Variants in MAGI1 observed in about 807,000 individuals in gnomAD.
The protein encoded by MAGI1 is membrane associated guanylate kinase, WW and PDZ domain containing 1.
MAGI1 carries 58 observed loss-of-function variants against 139.9 expected under a neutral mutation model. The observed-to-expected ratio is 0.41, with a 90% confidence interval of 0.34 to 0.52. MAGI1 has a LOEUF of 0.52. Ranked by LOEUF, MAGI1 falls within the 20% of genes least tolerant of loss-of-function variation. The probability of loss-of-function intolerance (pLI) is 0.12; values close to 1 mark genes in which losing one functional copy is unlikely to be tolerated. For missense variants in MAGI1, 1,874 were observed against 1,901.6 expected (o/e 0.99, Z 0.27); for synonymous variants, 812 against 737.9 (o/e 1.10, Z -1.63).
intron 13 of MAGI1, among the ~76,000 whole-genome samples, chr3:65,395,523 T>C (rs927725207): frequency 6.7e-6 from 1 of 149,846 alleles, no homozygotes; most frequent in African/African-American, 2.5e-5. Context: ...GCACCTGTAA[T>C]CCCAGCTACT....
chr3:65,613,913 T>C (rs999702200), intron 2 of MAGI1, among the ~76,000 whole-genome samples: 1 of 151,890 alleles, frequency 6.6e-6, no homozygotes, highest in Non-Finnish European at 1.5e-5. Flanking sequence ...GTTTGGGAAG[T>C]CATGCTAGAA....
intron 1 of MAGI1, chr3:65,844,024 C>G: frequency 2.8e-6 from 1 of 353,386 alleles, no homozygotes; most frequent in Non-Finnish European, 5.5e-6. Flanking sequence ...TGAAAGCCAC[C>G]AAGTATCTAA....
chr3:65,737,715 A>G (rs146958558), intron 1 of MAGI1, among the ~76,000 whole-genome samples: 2 of 152,334 alleles, frequency 1.3e-5, no homozygotes, highest in African/African-American at 4.8e-5. Context: ...CAGGCTAATC[A>G]CGTCAAATTA....
At chr3:65,774,293 C>T (rs73832949) in intron 1 of MAGI1, among the ~76,000 whole-genome samples, 2,625 of 152,090 alleles carry the variant, frequency 0.017, 74 homozygotes, top group African/African-American at 0.06. Context: ...CTGTCAAAGG[C>T]GTGGAAGATA....
At chr3:65,410,781 C>CGAG (rs1271701420) in intron 12 of MAGI1, among the ~76,000 whole-genome samples, 2,491 of 152,250 alleles carry the variant, frequency 0.016, 72 homozygotes, top group African/African-American at 0.056. Flanking sequence ...CAAGGCTACA[C>CGAG]ATGCTAAAAA....
At chr3:65,439,107 C>T (rs1291934703) in intron 9 of MAGI1, among the ~76,000 whole-genome samples, 3 of 151,666 alleles carry the variant, frequency 2.0e-5, no homozygotes, top group African/African-American at 4.8e-5. Context: ...TGGGGAAAGC[C>T]AGAGTATCTA....
rs939760724 is a variant in MAGI1 at position 65,794,434 on chromosome 3, G to A, written c.314-172346C>T. Among the ~76,000 whole-genome samples the A allele has an allele frequency of 8.5e-5, 13 of 152,190 alleles. No individual in the cohort carries two copies. The South Asian group carries it at 1.2e-3, about 15-fold the overall frequency. ...CTCTTTATCCAGTGACTAAGACTGC[G>A]CCCAGCAGCCACTTCCCCAGCCCCC... On this transcript the variant is annotated intron_variant, in intron 1 of 22. Coordinates refer to ENST00000402939, the MANE Select transcript of MAGI1 (RefSeq NM_001033057.2).
intron 5 of MAGI1, among the ~76,000 whole-genome samples, chr3:65,454,156 C>T (rs1440228531): frequency 6.6e-6 from 1 of 152,182 alleles, no homozygotes; most frequent in Non-Finnish European, 1.5e-5. Flanking sequence ...CAAAGTTCTG[C>T]TTGAGCCCCC....
chr3:65,875,938 C>A (rs745775368), intron 1 of MAGI1, among the ~76,000 whole-genome samples: 1 of 152,020 alleles, frequency 6.6e-6, no homozygotes, highest in Non-Finnish European at 1.5e-5. Context: ...ACCAACCAGT[C>A]CACATTAAAG....
At chr3:65,576,911 G>A (rs969413311) in intron 2 of MAGI1, among the ~76,000 whole-genome samples, 2 of 152,178 alleles carry the variant, frequency 1.3e-5, no homozygotes, top group Admixed American at 1.3e-4. Flanking sequence ...CTGGGATGTA[G>A]ACTCCACAAA....
intron 1 of MAGI1, among the ~76,000 whole-genome samples, chr3:65,721,094 G>A (rs901731484): frequency 3.3e-5 from 5 of 152,268 alleles, no homozygotes; most frequent in South Asian, 2.1e-4. Flanking sequence ...CTTGGTATGG[G>A]ATGGCCCTGC....
At chr3:65,734,525 AAG>A (rs1225434512) in intron 1 of MAGI1, among the ~76,000 whole-genome samples, 3 of 147,772 alleles carry the variant, frequency 2.0e-5, no homozygotes, top group African/African-American at 2.5e-5. Flanking sequence ...GAAAGAGAGA[AAG>A]AGAGAGGGGG....
intron 10 of MAGI1, among the ~76,000 whole-genome samples, chr3:65,436,742 T>A (rs916964734): frequency 2.6e-5 from 4 of 152,134 alleles, no homozygotes; most frequent in Non-Finnish European, 4.4e-5. Flanking sequence ...CCCAGAGACA[T>A]CTGGCAATGT....
At chr3:65,787,114 C>T (rs1264759666) in intron 1 of MAGI1, among the ~76,000 whole-genome samples, 1 of 152,120 alleles carries the variant, frequency 6.6e-6, no homozygotes, top group Admixed American at 6.5e-5. Flanking sequence ...AATAAAACTG[C>T]CCCTATTTCC....
At chr3:65,678,587 T>C (rs1419342509) in intron 1 of MAGI1, among the ~76,000 whole-genome samples, 2 of 152,136 alleles carry the variant, frequency 1.3e-5, no homozygotes, top group East Asian at 3.9e-4. Flanking sequence ...TAACTGGCAC[T>C]TCCTCAAGTC....
chr3:65,470,280 T>C lies in MAGI1; in HGVS notation c.959+3A>G. ...TTTAGGTAGAAATAATGGTATACTT[T>C]ACTCTATAAAATAGACTTCTCCATT... is the stretch of plus-strand genomic sequence containing the variant. On this transcript the variant is annotated splice_donor_region_variant and intron_variant, in intron 5 of 22. Transcript: ENST00000402939. The C allele has an allele frequency of 3.8e-6, 6 of 1,584,868 alleles. No homozygotes were observed. Among genetic ancestry groups the C allele is most frequent in the Non-Finnish European group, 5.2e-6 (6 of 1,153,960 alleles).
intron 1 of MAGI1, among the ~76,000 whole-genome samples, chr3:65,668,830 G>A (rs1387307786): frequency 6.6e-6 from 1 of 151,958 alleles, no homozygotes; most frequent in African/African-American, 2.4e-5. Flanking sequence ...GGGATTACAG[G>A]TGTGAGCCAC....
chr3:65,385,584 G>A lies in MAGI1; in HGVS notation c.2417-1961C>T, dbSNP rs538381806. On this transcript the variant is annotated intron_variant, in intron 14 of 22. Coordinates refer to ENST00000402939, the MANE Select transcript of MAGI1 (RefSeq NM_001033057.2). Reference sequence around the variant, plus strand: ...AGTGATTCACCCACAAACTTAAAATGTATAGTGAATGAATACACCAACAGA... The same window carrying A: ...AGTGATTCACCCACAAACTTAAAATATATAGTGAATGAATACACCAACAGA... Among the ~76,000 whole-genome samples the A allele has an allele frequency of 4.6e-5, 7 of 152,332 alleles. No individual in the cohort carries two copies. The East Asian group carries it at 1.2e-3, about 25-fold the overall frequency.
intron 1 of MAGI1, among the ~76,000 whole-genome samples, chr3:65,698,975 C>T (rs1420438895): frequency 7.4e-6 from 1 of 134,474 alleles, no homozygotes; most frequent in East Asian, 2.2e-4. Context: ...GCAACCTACT[C>T]ATCTGACAAA....
Sources: gnomAD v4.1 joint callset for allele counts (sites outside exome capture counted in the v4.1 genomes callset) on GRCh38, gnomAD v4.1.1 for gene constraint, MANE v1.5 for transcripts, NCBI Gene and HGNC (gene_info 2026-07-23, HGNC 2026-07-21) for gene names.